ZNF226: variants seen among roughly 807,000 people sequenced by gnomAD.
ZNF226 encodes zinc finger protein 226.
A neutral mutation model predicts 11.4 loss-of-function variants in ZNF226; 6 were observed. That is an observed-to-expected ratio of 0.53 (90% CI 0.29 to 1.04). ZNF226 has a LOEUF of 1.04. ZNF226 is among the 50% of genes least tolerant of loss of function. The pLI, the probability that ZNF226 is intolerant of heterozygous loss-of-function variation, is 0.08. For missense variants in ZNF226, 1,058 were observed against 956.5 expected (o/e 1.11, Z -1.40); for synonymous variants, 350 against 322.8 (o/e 1.08, Z -0.90).
chr19:44,170,044 T>C lies in ZNF226; in HGVS notation c.-37T>C, dbSNP rs774025602. 1.2e-6 allele frequency: 2 copies of C among 1,602,814 alleles called. No individual in the cohort carries two copies. The highest frequency in any genetic ancestry group is 1.3e-5 in the African/African-American group (1 of 74,478). ...CTCTCTTCTTTCCTAGTTCAGCTTCTTAGGACTCTGCACTTCCCCAGAAGG... is the reference window on the plus strand; with the variant it reads ...CTCTCTTCTTTCCTAGTTCAGCTTCCTAGGACTCTGCACTTCCCCAGAAGG... On this transcript the variant is annotated 5_prime_UTR_variant, in exon 3 of 6. Coordinates refer to ENST00000337433, the MANE Select transcript of ZNF226 (RefSeq NM_001032373.2).
At chr19:44,171,587 GA>G (rs2122368388) in intron 3 of ZNF226, among the ~76,000 whole-genome samples, 1 of 152,306 alleles carries the variant, frequency 6.6e-6, no homozygotes, top group South Asian at 2.1e-4. Flanking sequence ...AAGGGCTTGT[GA>G]AAAATGAGGA....
At chr19:44,198,858 G>A in the ZNF226 span, among the ~76,000 whole-genome samples, 1 of 152,156 alleles carries the variant, frequency 6.6e-6, no homozygotes, top group Admixed American at 6.5e-5. Flanking sequence ...AGGCTGGAGT[G>A]CAGTGGTGCG....
In ZNF226 at chr19:44,177,208, G is replaced by A; in HGVS notation, c.1946G>A (p.Gly649Glu). Residue 649 changes from glycine (G) to glutamate (E), a missense_variant, in exon 6 of 6, where the codon GGG (glycine) becomes GAG (glutamate). Physicochemically the swap from Gly to Glu is moderately conservative, Grantham distance 98. Transcript: ENST00000337433. ...AAACCATTCAAATGTGAAGAATGTGGGAAGAGTTTCGGTCGGAGTGCACAT... is the reference window on the plus strand; with the variant it reads ...AAACCATTCAAATGTGAAGAATGTGAGAAGAGTTTCGGTCGGAGTGCACAT... ...GEKPFKCEEC[G>E]KSFGRSAHLQ... The A allele has an allele frequency of 6.2e-7, 1 of 1,613,948 alleles. No individual in the cohort carries two copies. Among genetic ancestry groups the A allele is most frequent in the Non-Finnish European group, 8.5e-7 (1 of 1,179,988 alleles).
At chr19:44,174,265 T>G (rs781292703) in intron 5 of ZNF226, 9 of 152,212 alleles carry the variant, frequency 5.9e-5, no homozygotes, top group Non-Finnish European at 1.3e-4. Flanking sequence ...TGTTTATGAC[T>G]TTCTTTGAGC....
At chr19:44,169,521 T>C (rs1969827164) in intron 2 of ZNF226, 1 of 152,272 alleles carries the variant, frequency 6.6e-6, no homozygotes, top group African/African-American at 2.4e-5. Flanking sequence ...AATTATATTT[T>C]TAAGGATAAT....
chr19:44,170,885 T>C (rs1303666170), intron 3 of ZNF226, among the ~76,000 whole-genome samples: 1 of 148,006 alleles, frequency 6.8e-6, no homozygotes, highest in Non-Finnish European at 1.5e-5. Context: ...TACTCCAGCC[T>C]GGGCAATAGA....
At chr19:44,196,568 G>A in the ZNF226 span, among the ~76,000 whole-genome samples, 565 of 152,206 alleles carry the variant, frequency 3.7e-3, 1 homozygote, top group African/African-American at 0.013. Context: ...TGTTTTCAGT[G>A]GAAAAGACAA....
In ZNF226 at chr19:44,176,690, A is replaced by T; in HGVS notation, c.1428A>T (p.Ile476=). The T allele has an allele frequency of 6.2e-7, 1 of 1,613,760 alleles. No individual in the cohort carries two copies. Among genetic ancestry groups the T allele is most frequent in the Non-Finnish European group, 8.5e-7 (1 of 1,179,936 alleles). ...TTCACACTGGAGAGAAGTCATACAT[A>T]TGTACTGTATGTGGGAAAGGCTTTA... The part of the protein sequence containing the change: ...QGVHTGEKSY[I]CTVCGKGFTL... Residue 476 remains isoleucine, a synonymous_variant, in exon 6 of 6, where the codon ATA becomes ATT. Coordinates refer to ENST00000337433, the MANE Select transcript of ZNF226 (RefSeq NM_001032373.2).
In ZNF226 at chr19:44,176,819, A is replaced by C; in HGVS notation, c.1557A>C (p.Gln519His). The C allele has an allele frequency of 6.2e-7, 1 of 1,613,300 alleles. No individual in the cohort carries two copies. Among genetic ancestry groups the C allele is most frequent in the Middle Eastern group, 1.7e-4 (1 of 6,054 alleles). The change falls in exon 6 of 6, where the codon CAA (glutamine) becomes CAC (histidine). Residue 519 changes from glutamine (Q) to histidine (H), a missense_variant. Gln to His is a conservative substitution (Grantham distance 24). Coordinates refer to ENST00000337433, the MANE Select transcript of ZNF226 (RefSeq NM_001032373.2). ...GKSFRRNSHYQVHLVVHTGEK... is the reference protein window; with the variant it reads ...GKSFRRNSHYHVHLVVHTGEK... ...GCTTCAGGAGGAATTCCCATTATCA[A>C]GTTCATCTAGTGGTCCACACAGGAG...
In ZNF226 at chr19:44,177,045, G is replaced by A. The variant is rs1380122423; in HGVS notation, c.1783G>A (p.Gly595Arg). The change falls in exon 6 of 6, where the codon GGA becomes AGA. Residue 595 changes from glycine to arginine, a missense_variant. Physicochemically the swap from Gly to Arg is moderately radical, Grantham distance 125. Coordinates refer to ENST00000337433, the MANE Select transcript of ZNF226 (RefSeq NM_001032373.2). ...ATACAAATGTGAAGAGTGTGGCAAG[G>A]GATTTAGTCGTAGAGCAGATCTTAA... Reference protein sequence around the residue: ...KPYKCEECGKGFSRRADLKIH... With the variant: ...KPYKCEECGKRFSRRADLKIH... 2 of 1,613,372 alleles carry A rather than the reference G, an allele frequency of 1.2e-6. No homozygotes were observed. Among genetic ancestry groups the A allele is most frequent in the South Asian group, 2.2e-5 (2 of 91,042 alleles).
Position 44,169,164 on chromosome 19 carries a change from A to G in ZNF226, c.-46-871A>G, listed in dbSNP as rs144560091. Among the ~76,000 whole-genome samples, 7 of 152,002 alleles carry G rather than the reference A, an allele frequency of 4.6e-5. No homozygotes were observed. In the East Asian group the frequency reaches 1.4e-3, roughly 29 times the overall value. Reference sequence around the variant, plus strand: ...GCTGGGATTACAGGTGCCTGCCACCATGTCCAGCTAATTTTTGTCTTTTAG... The same window carrying G: ...GCTGGGATTACAGGTGCCTGCCACCGTGTCCAGCTAATTTTTGTCTTTTAG... On this transcript the variant is annotated intron_variant, in intron 2 of 5. Coordinates refer to ENST00000337433, the MANE Select transcript of ZNF226 (RefSeq NM_001032373.2).
chr19:44,183,987 C>G, the ZNF226 span, among the ~76,000 whole-genome samples: 1 of 152,168 alleles, frequency 6.6e-6, no homozygotes, highest in East Asian at 1.9e-4. Context: ...AAATCTCCTG[C>G]AACTTGTTTT....
Position 44,176,009 on chromosome 19 carries a change from G to T in ZNF226, c.747G>T (p.Gln249His). 6.2e-7 allele frequency: 1 copy of T among 1,613,948 alleles called. No homozygotes were observed. The highest frequency in any genetic ancestry group is 2.2e-5 in the East Asian group (1 of 44,884). ...ACAATAGCATGATTCACACAGGACA[G>T]AAATCGTACCAGTGTAATGAGTGTA... The part of the protein sequence containing the change: ...FDHNSMIHTG[Q>H]KSYQCNECKK... The change falls in exon 6 of 6, where the codon CAG becomes CAT. Residue 249 changes from glutamine (Q) to histidine (H), a missense_variant. Physicochemically the swap from Gln to His is conservative, Grantham distance 24. Coordinates refer to ENST00000337433, the MANE Select transcript of ZNF226 (RefSeq NM_001032373.2).
chr19:44,177,801 C>G (rs2080820455), downstream of ZNF226: 1 of 1,098,922 alleles, frequency 9.1e-7, no homozygotes, highest in Non-Finnish European at 1.3e-6. Flanking sequence ...ATTAGCATAG[C>G]AAGGGCTTCT....
chr19:44,186,381 TATTA>T, the ZNF226 span, among the ~76,000 whole-genome samples: 1 of 152,098 alleles, frequency 6.6e-6, no homozygotes, highest in Non-Finnish European at 1.5e-5. Flanking sequence ...TTTCTTCTTT[TATTA>T]ATAACAATGT....
chr19:44,179,523 C>T (rs572625022), downstream of ZNF226, among the ~76,000 whole-genome samples: 5 of 152,222 alleles, frequency 3.3e-5, no homozygotes, highest in Non-Finnish European at 7.4e-5. Context: ...GATACAGATG[C>T]ATTGGTAAGA....
At chr19:44,183,665 C>T in the ZNF226 span, among the ~76,000 whole-genome samples, 3 of 152,128 alleles carry the variant, frequency 2.0e-5, no homozygotes, top group African/African-American at 7.2e-5. Context: ...ACTCAATTGA[C>T]GTGTGCAGAG....
At chr19:44,197,220 T>C in the ZNF226 span, among the ~76,000 whole-genome samples, 2 of 152,236 alleles carry the variant, frequency 1.3e-5, no homozygotes, top group Non-Finnish European at 2.9e-5. Context: ...TGCACATGTG[T>C]GTGTGTTTCT....
chr19:44,194,736 A>G, the ZNF226 span, among the ~76,000 whole-genome samples: 1 of 152,236 alleles, frequency 6.6e-6, no homozygotes, highest in Non-Finnish European at 1.5e-5. Flanking sequence ...GCTCTTTCAT[A>G]CATTTTGGTA....
Sources: allele counts gnomAD v4.1 joint callset (sites outside exome capture counted in the v4.1 genomes callset), GRCh38; gene constraint gnomAD v4.1.1; transcripts MANE v1.5; gene names NCBI Gene and HGNC (gene_info 2026-07-23, HGNC 2026-07-21).